Variants in FHIP2A observed in about 807,000 individuals in gnomAD.
FHIP2A encodes FHF complex subunit HOOK interacting protein 2A, also known as family with sequence similarity 160 member B1.
Under a neutral mutation model 93.5 loss-of-function variants are expected in FHIP2A, and 46 were observed. That is an observed-to-expected ratio of 0.49 (90% CI 0.39 to 0.63). The LOEUF (loss-of-function observed/expected upper bound fraction) is 0.63. FHIP2A is among the 20% of genes least tolerant of loss of function. The pLI is 0.00. For synonymous variants in FHIP2A, 332 were observed against 326.5 expected, an observed-to-expected ratio of 1.02 and a Z score of -0.18; for missense variants, 769 against 909.7, an observed-to-expected ratio of 0.85 and a Z score of 1.99.
intron 7 of FHIP2A, among the ~76,000 whole-genome samples, chr10:114,844,851 C>G (rs2083690719): frequency 6.6e-6 from 1 of 152,126 alleles, no homozygotes; most frequent in African/African-American, 2.4e-5. Context: ...GTGAAGCAAT[C>G]TTGGCTTACC....
chr10:114,896,739 A>G (rs1433879707), intron 16 of FHIP2A, among the ~76,000 whole-genome samples: 1 of 152,338 alleles, frequency 6.6e-6, no homozygotes, highest in African/African-American at 2.4e-5. Context: ...TAAAATGTAT[A>G]AAACCAAGCT....
At chr10:114,872,985 G>A (rs1187580310) in intron 16 of FHIP2A, among the ~76,000 whole-genome samples, 1 of 152,208 alleles carries the variant, frequency 6.6e-6, no homozygotes, top group Non-Finnish European at 1.5e-5. Flanking sequence ...TTGGGGGGTG[G>A]AATAGCAAAG....
At chr10:114,871,406 C>T (rs560588008) in intron 16 of FHIP2A, among the ~76,000 whole-genome samples, 16 of 152,210 alleles carry the variant, frequency 1.1e-4, no homozygotes, top group African/African-American at 3.9e-4. Flanking sequence ...TCTCAGAGAC[C>T]AGAGTTCTAC....
At chr10:114,850,372 T>C (rs1315922514) in intron 13 of FHIP2A, among the ~76,000 whole-genome samples, 1 of 152,204 alleles carries the variant, frequency 6.6e-6, no homozygotes, top group Non-Finnish European at 1.5e-5. Context: ...TGAGTACCTT[T>C]TCATATGCTT....
intron 16 of FHIP2A, among the ~76,000 whole-genome samples, chr10:114,874,017 T>C (rs1348985884): frequency 6.6e-6 from 1 of 151,926 alleles, no homozygotes; most frequent in Non-Finnish European, 1.5e-5. Flanking sequence ...TGGGTCCAGA[T>C]AGCCGAGGAA....
Position 114,862,465 on chromosome 10 carries a change from G to A in FHIP2A, c.*925G>A. ...GGTGGGGAACTGACTGATAACCCTT[G>A]GCAGCAATCAAAGTGCCAGTGGCTC... On this transcript the variant is annotated 3_prime_UTR_variant, in exon 17 of 17. Coordinates refer to ENST00000369248, the MANE Select transcript of FHIP2A (RefSeq NM_020940.4). 1.2e-5 allele frequency: 12 copies of A among 987,330 alleles called. No individual in the cohort carries two copies. The highest frequency in any genetic ancestry group is 2.8e-4 in the Middle Eastern group (1 of 3,544). 61.2% of individuals were successfully genotyped at this position (987,330 alleles called of 1,614,324 possible).
chr10:114,853,010 C>T lies in FHIP2A; in HGVS notation c.1804-2187C>T, dbSNP rs1421772553. Reference sequence around the variant, plus strand: ...GATTTATTCTTTTTACCCTCTTCCTCCTCTCCCTTCCCAACAGTAAAGGTA... The same window carrying T: ...GATTTATTCTTTTTACCCTCTTCCTTCTCTCCCTTCCCAACAGTAAAGGTA... On this transcript the variant is annotated intron_variant, in intron 13 of 16. Coordinates refer to ENST00000369248, the MANE Select transcript of FHIP2A (RefSeq NM_020940.4). Among the ~76,000 whole-genome samples, 3 of 152,190 alleles carry T rather than the reference C, an allele frequency of 2.0e-5. No individual in the cohort carries two copies. The East Asian group carries it at 5.8e-4, about 29-fold the overall frequency.
intron 5 of FHIP2A, among the ~76,000 whole-genome samples, chr10:114,838,130 A>G (rs1050099348): frequency 1.3e-5 from 2 of 152,336 alleles, no homozygotes; most frequent in African/African-American, 2.4e-5. Flanking sequence ...TCCCATCAAC[A>G]GTGTACGTGA....
intron 7 of FHIP2A, among the ~76,000 whole-genome samples, chr10:114,844,457 C>T (rs1382282512): frequency 1.3e-5 from 2 of 152,198 alleles, no homozygotes; most frequent in Admixed American, 6.5e-5. Flanking sequence ...AGTCCCACCA[C>T]CTGTAAGCAG....
At chr10:114,856,170 A>C (rs937358710) in intron 14 of FHIP2A, among the ~76,000 whole-genome samples, 1 of 152,248 alleles carries the variant, frequency 6.6e-6, no homozygotes, top group Non-Finnish European at 1.5e-5. Context: ...AAATTTACTA[A>C]GTAGGCTGTC....
chr10:114,845,093 G>A (rs531509976), intron 7 of FHIP2A, among the ~76,000 whole-genome samples: 1 of 152,068 alleles, frequency 6.6e-6, no homozygotes, highest in Admixed American at 6.5e-5. Context: ...TTACAGGCAT[G>A]AGCCACCACA....
rs2083809218 is a variant in FHIP2A, at chr10:114,862,955, T to C, written c.*1415T>C. On this transcript the variant is annotated 3_prime_UTR_variant, in exon 17 of 17. Coordinates refer to ENST00000369248, the MANE Select transcript of FHIP2A (RefSeq NM_020940.4). ...TGTGTGGCATGTGCATAGAGGCTTGTTTTACACCTATCTGCTCATTTTGTT... is the reference window on the plus strand; with the variant it reads ...TGTGTGGCATGTGCATAGAGGCTTGCTTTACACCTATCTGCTCATTTTGTT... The C allele has an allele frequency of 1.0e-6, 1 of 985,322 alleles. No individual in the cohort carries two copies. 61.0% of individuals were successfully genotyped at this position (985,322 alleles called of 1,614,324 possible).
chr10:114,825,737 A>G (rs2083572113), intron 1 of FHIP2A, among the ~76,000 whole-genome samples: 1 of 152,238 alleles, frequency 6.6e-6, no homozygotes, highest in Admixed American at 6.5e-5. Context: ...TTTTAACACA[A>G]CTTCTTCAAA....
Position 114,863,069 on chromosome 10 carries a change from G to C in FHIP2A, c.*1529G>C, listed in dbSNP as rs1021652654. The C allele has an allele frequency of 2.0e-6, 2 of 984,140 alleles. No individual in the cohort carries two copies. The highest frequency in any genetic ancestry group is 4.7e-5 in the South Asian group (1 of 21,256). 61.0% of individuals were successfully genotyped at this position (984,140 alleles called of 1,614,324 possible). A position where few individuals can be genotyped will look rare whatever the true frequency, so the allele number is the denominator to read the frequency against. On this transcript the variant is annotated 3_prime_UTR_variant, in exon 17 of 17. Coordinates refer to ENST00000369248, the MANE Select transcript of FHIP2A (RefSeq NM_020940.4). The stretch of plus-strand genomic sequence containing the variant: ...AAGATTATGAATAGCCTCAGCTCTA[G>C]AATGCTTACCACTGTTAAAACAACA...
rs1382282512 is a variant in FHIP2A, at chr10:114,844,457, C to G, written c.1013+520C>G. On this transcript the variant is annotated intron_variant, in intron 7 of 16. Coordinates refer to ENST00000369248, the MANE Select transcript of FHIP2A (RefSeq NM_020940.4). ...AAACAAGTTGCCCATAGTCCCACCACCTGTAAGCAGCCTAAGGTTTTGACA... is the reference window on the plus strand; with the variant it reads ...AAACAAGTTGCCCATAGTCCCACCAGCTGTAAGCAGCCTAAGGTTTTGACA... Among the ~76,000 whole-genome samples, 8 of 152,316 alleles carry G rather than the reference C, an allele frequency of 5.3e-5. No individual in the cohort carries two copies. The East Asian group carries it at 1.5e-3, about 29-fold the overall frequency.
At chr10:114,864,857 A>G (rs894571137), downstream of FHIP2A, 2 of 210,038 alleles carry the variant, frequency 9.5e-6, no homozygotes, top group Non-Finnish European at 1.6e-5. Context: ...TATTCTAGGG[A>G]GAGAACAAAA....
rs1170432865 is a variant in FHIP2A, at chr10:114,863,863, T to C, written c.*2323T>C. The C allele has an allele frequency of 5.5e-6, 6 of 1,094,930 alleles. No individual in the cohort carries two copies. The highest frequency in any genetic ancestry group is 6.7e-6 in the Non-Finnish European group (6 of 890,412). 67.8% of individuals were successfully genotyped at this position (1,094,930 alleles called of 1,614,324 possible). A position where few individuals can be genotyped will look rare whatever the true frequency, so the allele number is the denominator to read the frequency against. ...CAAGTTCCAAAGTGAATTTCAGCCT[T>C]GCTTCACATTTGTATCAATAAATAT... On this transcript the variant is annotated 3_prime_UTR_variant, in exon 17 of 17. Coordinates refer to ENST00000369248, the MANE Select transcript of FHIP2A (RefSeq NM_020940.4).
chr10:114,830,781 A>G, intron 1 of FHIP2A, 71 bp from the exon 2 acceptor site: 6 of 1,001,540 alleles, frequency 6.0e-6, no homozygotes, highest in South Asian at 1.6e-5. Context: ...TAATAGATAA[A>G]TACAGAGTTA....
chr10:114,843,834 T>A lies in FHIP2A; in HGVS notation c.910T>A (p.Cys304Ser), dbSNP rs780221530. Residue 304 changes from cysteine (C) to serine (S), a missense_variant, in exon 7 of 17, where the codon TGC becomes AGC. Coordinates refer to ENST00000369248, the MANE Select transcript of FHIP2A (RefSeq NM_020940.4). ...AAAKCLTQST[C>S]LCELLTDRLA... is the part of the protein sequence containing the mutation. Reference sequence around the variant, plus strand: ...TGCAAAGTGCCTTACACAGAGCACTTGCTTGTGTGAACTACTGACAGACAG... The same window carrying A: ...TGCAAAGTGCCTTACACAGAGCACTAGCTTGTGTGAACTACTGACAGACAG... 1 of 1,612,222 alleles carries A rather than the reference T, an allele frequency of 6.2e-7. No homozygotes were observed. The highest frequency in any genetic ancestry group is 8.5e-7 in the Non-Finnish European group (1 of 1,179,648).
Sources: allele counts gnomAD v4.1 joint callset (sites outside exome capture counted in the v4.1 genomes callset), GRCh38; gene constraint gnomAD v4.1.1; transcripts MANE v1.5; gene names NCBI Gene and HGNC (gene_info 2026-07-23, HGNC 2026-07-21).